TMEM131: variants seen among roughly 807,000 people sequenced by gnomAD.
TMEM131 encodes the protein transmembrane protein 131.
A neutral mutation model predicts 211.6 loss-of-function variants in TMEM131; 66 were observed. The observed-to-expected ratio is 0.31, with a 90% CI of 0.26 to 0.38. The LOEUF is 0.38. TMEM131 is among the 10% of genes least tolerant of loss of function. The pLI, the probability that TMEM131 is intolerant of heterozygous loss-of-function variation, is 1.00. For missense variants in TMEM131, 2,036 were observed against 2,299.3 expected, an observed-to-expected ratio of 0.89 and a Z score of 2.34; for synonymous variants, 844 against 841.3, an observed-to-expected ratio of 1.00 and a Z score of -0.06.
chr2:97,851,124 G>T (rs1673606799), intron 5 of TMEM131, among the ~76,000 whole-genome samples: 1 of 151,666 alleles, frequency 6.6e-6, no homozygotes, highest in Non-Finnish European at 1.5e-5. Flanking sequence ...TCCTTCCTTG[G>T]TGATCTCATC....
intron 7 of TMEM131, among the ~76,000 whole-genome samples, chr2:97,839,442 A>T (rs1215268335): frequency 6.6e-6 from 1 of 152,256 alleles, no homozygotes; most frequent in African/African-American, 2.4e-5. Context: ...AAAAGTCTAA[A>T]TTACAAAGTC....
At chr2:97,975,021 C>A (rs1679470275) in intron 1 of TMEM131, among the ~76,000 whole-genome samples, 1 of 152,106 alleles carries the variant, frequency 6.6e-6, no homozygotes, top group Non-Finnish European at 1.5e-5. Context: ...ATATTCTTCT[C>A]AAATGCACAC....
rs116527347 is a variant in TMEM131, at chr2:97,797,516, C to T, written c.2719G>A (p.Ala907Thr). The T allele has an allele frequency of 6.2e-7, 1 of 1,605,774 alleles. No homozygotes were observed. The highest frequency in any genetic ancestry group is 8.5e-7 in the Non-Finnish European group (1 of 1,176,852). The change falls in exon 26 of 41, where the codon GCT (alanine) becomes ACT (threonine). Residue 907 changes from alanine to threonine, a missense_variant and splice_region_variant. Transcript: ENST00000186436. ...CCTGTTGAACTCTGCAGTGGATGAG[C>T]CTTGAATCATTGGGTAAACAGAGAG... ...TLEFQVFRNSAHPLQSSTGFM... is the reference protein window; with the variant it reads ...TLEFQVFRNSTHPLQSSTGFM...
chr2:97,928,192 T>G (rs991701277), intron 1 of TMEM131, among the ~76,000 whole-genome samples: 18 of 152,134 alleles, frequency 1.2e-4, no homozygotes, highest in Non-Finnish European at 8.8e-5. Flanking sequence ...ACAGACAAAC[T>G]GTGGTATATC....
intron 39 of TMEM131, chr2:97,759,423 A>G: frequency 3.7e-6 from 2 of 538,070 alleles, no homozygotes; most frequent in African/African-American, 3.8e-5. Flanking sequence ...CCGCCATGGA[A>G]CTCACACCAA....
rs926142602 is a variant in TMEM131, at chr2:97,952,119, T to C, written c.188-24632A>G. On this transcript the variant is annotated intron_variant, in intron 1 of 40. Coordinates refer to ENST00000186436, the MANE Select transcript of TMEM131 (RefSeq NM_015348.2). ...GTGCAGTGAGCCAAGATCACGCCAC[T>C]GCACTCCAGCCTGGGTGACAGAGCG... Among the ~76,000 whole-genome samples, 12 of 150,278 alleles carry C rather than the reference T, an allele frequency of 8.0e-5. No individual in the cohort carries two copies. In the East Asian group the frequency reaches 2.2e-3, roughly 27 times the overall value.
At chr2:97,806,981 A>C (rs1681336294) in intron 19 of TMEM131, among the ~76,000 whole-genome samples, 1 of 152,086 alleles carries the variant, frequency 6.6e-6, no homozygotes, top group South Asian at 2.1e-4. Flanking sequence ...ACTTGAAATA[A>C]CTACTTCCCT....
chr2:97,912,558 T>C (rs1359053526), intron 2 of TMEM131, among the ~76,000 whole-genome samples: 1 of 152,220 alleles, frequency 6.6e-6, no homozygotes, highest in African/African-American at 2.4e-5. Context: ...ACAGAAACTT[T>C]AGTGATTCTT....
chr2:97,824,636 T>G (rs1682288185), intron 11 of TMEM131, among the ~76,000 whole-genome samples: 1 of 152,148 alleles, frequency 6.6e-6, no homozygotes, highest in Non-Finnish European at 1.5e-5. Context: ...TGTCCCCTAC[T>G]TGAGGAGGGA....
chr2:97,940,770 C>G (rs563024013), intron 1 of TMEM131, among the ~76,000 whole-genome samples: 13 of 149,194 alleles, frequency 8.7e-5, no homozygotes, highest in Non-Finnish European at 1.6e-4. Context: ...GATCGTGGCA[C>G]TGCACTCCAG....
intron 31 of TMEM131, 97 bp downstream of exon 31, chr2:97,792,288 AT>A (rs1680532819): frequency 2.0e-6 from 2 of 1,017,868 alleles, no homozygotes; most frequent in Non-Finnish European, 2.8e-6. Flanking sequence ...AACCTACTGA[AT>A]TAGTTGTTTA....
chr2:97,831,004 T>A lies in TMEM131; in HGVS notation c.1074+2361A>T, dbSNP rs550877449. Among the ~76,000 whole-genome samples the A allele has an allele frequency of 2.6e-5, 4 of 152,304 alleles. No individual in the cohort carries two copies. The East Asian group carries it at 5.8e-4, about 22-fold the overall frequency. On this transcript the variant is annotated intron_variant, in intron 11 of 40. Coordinates refer to ENST00000186436, the MANE Select transcript of TMEM131 (RefSeq NM_015348.2). ...TAAGCCTGGTGAATTATGCAGAAAA[T>A]GCTGAAACACACAGGGAAAACCTTA...
chr2:97,977,074 G>T (rs759003662), intron 1 of TMEM131, among the ~76,000 whole-genome samples: 1 of 150,176 alleles, frequency 6.7e-6, no homozygotes, highest in East Asian at 1.9e-4. Context: ...TTCCAGAAAA[G>T]AATACAGGAG....
Position 97,760,651 on chromosome 2 carries a change from C to G in TMEM131, c.5050G>C (p.Gly1684Arg). The G allele has an allele frequency of 1.2e-6, 2 of 1,613,754 alleles. No homozygotes were observed. Among genetic ancestry groups the G allele is most frequent in the Non-Finnish European group, 1.7e-6 (2 of 1,179,782 alleles). ...GFAKVSSNKT[G>R]FSSSLGISHA... ...GAAATGCCAAGGCTGCTGGAGAAAC[C>G]TGTTTTGTTTGAAGAAACTTTAGCA... Residue 1684 changes from glycine to arginine, a missense_variant, in exon 38 of 41, where the codon GGT (glycine) becomes CGT (arginine). Physicochemically the swap from Gly to Arg is moderately radical, Grantham distance 125. Coordinates refer to ENST00000186436, the MANE Select transcript of TMEM131 (RefSeq NM_015348.2).
chr2:97,884,008 A>C (rs1374618611), intron 4 of TMEM131, among the ~76,000 whole-genome samples: 1 of 151,952 alleles, frequency 6.6e-6, no homozygotes, highest in Non-Finnish European at 1.5e-5. Context: ...AAGATGCATC[A>C]TTAGGTTGTT....
intron 4 of TMEM131, among the ~76,000 whole-genome samples, chr2:97,863,117 A>AC (rs1180075825): frequency 6.6e-6 from 1 of 151,962 alleles, no homozygotes. Flanking sequence ...AACAAAAAAA[A>AC]CCCCCACACT....
rs774035514 is a variant in TMEM131 at position 97,927,511 on chromosome 2, A to G, written c.188-24T>C. ...TGCTGTGAAGAAAACAAAACATACC[A>G]TCACTTACAGGAACATAAATTTGAT... is the stretch of plus-strand genomic sequence containing the variant. On this transcript the variant is annotated intron_variant, in intron 1 of 40. Coordinates refer to ENST00000186436, the MANE Select transcript of TMEM131 (RefSeq NM_015348.2). 6.1e-5 allele frequency: 93 copies of G among 1,534,464 alleles called. 1 individual carries two copies. Among genetic ancestry groups the G allele is most frequent in the Non-Finnish European group, 7.9e-5 (90 of 1,143,514 alleles).
At chr2:97,924,155 C>T (rs987854605) in intron 2 of TMEM131, among the ~76,000 whole-genome samples, 2 of 151,738 alleles carry the variant, frequency 1.3e-5, no homozygotes, top group African/African-American at 2.4e-5. Flanking sequence ...GAGACCAAGG[C>T]GAGAAGATGG....
At chr2:97,865,277 T>C (rs1674227068) in intron 4 of TMEM131, among the ~76,000 whole-genome samples, 1 of 152,214 alleles carries the variant, frequency 6.6e-6, no homozygotes, top group Non-Finnish European at 1.5e-5. Context: ...TTGTGATAGA[T>C]TGTAATGTGG....
Sources: allele counts gnomAD v4.1 joint callset (sites outside exome capture counted in the v4.1 genomes callset), GRCh38; gene constraint gnomAD v4.1.1; transcripts MANE v1.5; gene names NCBI Gene and HGNC (gene_info 2026-07-23, HGNC 2026-07-21).